The following SMOX variants were observed in gnomAD, a reference collection of about 807,000 sequenced individuals.
The protein encoded by SMOX is spermine oxidase.
SMOX carries 22 observed loss-of-function variants against 51.0 expected under a neutral mutation model. The ratio of observed to expected loss-of-function variants is 0.43; its 90% confidence interval spans 0.31 to 0.62. The LOEUF is 0.62. SMOX is among the 20% of genes least tolerant of loss of function. The pLI is 0.10. For synonymous variants in SMOX, 282 were observed against 307.8 expected (o/e 0.92, Z 0.88); for missense variants, 566 against 777.7 (o/e 0.73, Z 3.24).
Position 4,167,026 on chromosome 20 carries a change from CG to C in SMOX, c.-26-7999del, listed in dbSNP as rs1426102918. 2.0e-5 allele frequency among the ~76,000 whole-genome samples: 3 copies of C among 152,274 alleles called. No homozygotes were observed. Among genetic ancestry groups the C allele is most frequent in the African/African-American group, 7.2e-5 (3 of 41,556 alleles). On this transcript the variant is annotated intron_variant, in intron 1 of 6. Coordinates refer to ENST00000305958, the MANE Select transcript of SMOX (RefSeq NM_175839.3). The surrounding 1 kb of genome is among the most constrained non-coding windows in gnomAD (Gnocchi z 4.8). ...GAGGGCCAGGGGACATTGCTGGGGG[CG>C]GGGGCTCTGCTGAAAGAGGCTCCCA...
chr20:4,158,128 C>T (rs1205258158), intron 1 of SMOX, among the ~76,000 whole-genome samples: 2 of 150,950 alleles, frequency 1.3e-5, no homozygotes, highest in African/African-American at 2.4e-5. Context: ...TCTCGATCTC[C>T]TGACCTCGTG....
chr20:4,157,881 G>A (rs1022056100), intron 1 of SMOX, among the ~76,000 whole-genome samples: 2 of 152,076 alleles, frequency 1.3e-5, no homozygotes, highest in African/African-American at 4.8e-5. Flanking sequence ...TCAGGTGGGG[G>A]AGATGGGCTG....
intron 1 of SMOX, among the ~76,000 whole-genome samples, chr20:4,174,371 G>A (rs1978659041): frequency 6.6e-6 from 1 of 152,014 alleles, no homozygotes; most frequent in Non-Finnish European, 1.5e-5. Flanking sequence ...GTCCATGCAA[G>A]TATCTTCGGG....
At chr20:4,169,730 T>G (rs1443608682) in intron 1 of SMOX, among the ~76,000 whole-genome samples, 8 of 152,162 alleles carry the variant, frequency 5.3e-5, no homozygotes, top group Non-Finnish European at 1.0e-4. Flanking sequence ...GGGTGTCTGT[T>G]GCTTCAGGAA....
At chr20:4,163,802 C>T (rs1363090837) in intron 1 of SMOX, among the ~76,000 whole-genome samples, 1 of 152,180 alleles carries the variant, frequency 6.6e-6, no homozygotes, top group East Asian at 1.9e-4. Flanking sequence ...CTTGAGTGTC[C>T]TCCCCACATG....
intron 1 of SMOX, among the ~76,000 whole-genome samples, chr20:4,154,148 A>T (rs1320165318): frequency 6.6e-6 from 1 of 151,924 alleles, no homozygotes; most frequent in Non-Finnish European, 1.5e-5. Flanking sequence ...CAGGTTGGGA[A>T]AGGCCTTGGC....
rs182222205 is a variant in SMOX, at chr20:4,172,039, T to A, written c.-26-2991T>A. 88 of 152,536 alleles carry A rather than the reference T, an allele frequency of 5.8e-4. No homozygotes were observed. The highest frequency in any genetic ancestry group is 3.7e-3 in the East Asian group (19 of 5,190). The allele number at this position is 152,536 out of a possible 1,614,324, so 9.4% of individuals were successfully genotyped here. A position where few individuals can be genotyped will look rare whatever the true frequency, so the allele number is the denominator to read the frequency against. On this transcript the variant is annotated intron_variant, in intron 1 of 6. Transcript: ENST00000305958. This position sits in a 1 kb window ranked among gnomAD's most constrained non-coding sequence, Gnocchi z 7.7. ...CTGGAGCTTATCTGGTCCCCTGGTTTTCAGAGGTGGTGCTCCAGGGAGCCT... is the reference window on the plus strand; with the variant it reads ...CTGGAGCTTATCTGGTCCCCTGGTTATCAGAGGTGGTGCTCCAGGGAGCCT...
In SMOX at chr20:4,182,516, G is replaced by A. The variant is rs143899175; in HGVS notation, c.1037G>A (p.Arg346Gln). The A allele has an allele frequency of 2.2e-5, 35 of 1,610,464 alleles. No individual in the cohort carries two copies. In the South Asian group the frequency reaches 2.8e-4, roughly 13 times the overall value. Residue 346 changes from arginine (R) to glutamine (Q), a missense_variant, in exon 5 of 7, where the codon CGG (arginine) becomes CAG (glutamine). This residue lies in a region of SMOX where 347 missense variants were observed against 481.8 expected (regional missense o/e 0.72). Transcript: ENST00000305958. This position sits in a 1 kb window ranked among gnomAD's most constrained non-coding sequence, Gnocchi z 8.4. ...VLKRQYTSFF[R>Q]PGLPTEKVAA... is the part of the protein sequence containing the mutation. ...AAGAGGCAGTACACCAGTTTCTTCC[G>A]GCCAGGCCTGCCCACAGAGAAGGTG... is the stretch of plus-strand genomic sequence containing the variant.
At chr20:4,174,908 A>G (rs906386442) in intron 1 of SMOX, 122 bp from the exon 2 acceptor site, 1 of 905,730 alleles carries the variant, frequency 1.1e-6, no homozygotes, top group Non-Finnish European at 1.7e-6. Flanking sequence ...AGGGAGGGAG[A>G]GGACTCCAGG....
intron 1 of SMOX, among the ~76,000 whole-genome samples, chr20:4,159,135 G>A (rs1454839143): frequency 6.6e-6 from 1 of 151,122 alleles, no homozygotes; most frequent in African/African-American, 2.4e-5. Flanking sequence ...ATTTTTTTTT[G>A]TTTTTGAGAC....
rs1372576337 is a variant in SMOX at position 4,167,203 on chromosome 20, T to C, written c.-26-7827T>C. On this transcript the variant is annotated intron_variant, in intron 1 of 6. Transcript: ENST00000305958. This position sits in a 1 kb window ranked among gnomAD's most constrained non-coding sequence, Gnocchi z 4.8. ...GGTTGGGGTCAGTCAGATACAGATG[T>C]GAGGTGCCTGCATGATGTCAGTGTC... Among the ~76,000 whole-genome samples the C allele has an allele frequency of 6.6e-6, 1 of 152,108 alleles. No homozygotes were observed. Among genetic ancestry groups the C allele is most frequent in the African/African-American group, 2.4e-5 (1 of 41,404 alleles).
chr20:4,152,940 C>T (rs952824081), intron 1 of SMOX, among the ~76,000 whole-genome samples: 11 of 152,172 alleles, frequency 7.2e-5, no homozygotes, highest in Non-Finnish European at 1.0e-4. Flanking sequence ...CAACTTGGCT[C>T]CAGAATCCAT....
In SMOX at chr20:4,180,102, A is replaced by G. The variant is rs200278476; in HGVS notation, c.436-1701A>G. Among the ~76,000 whole-genome samples the G allele has an allele frequency of 5.9e-5, 9 of 152,328 alleles. No individual in the cohort carries two copies. In the East Asian group the frequency reaches 1.7e-3, roughly 29 times the overall value. On this transcript the variant is annotated intron_variant, in intron 3 of 6. Coordinates refer to ENST00000305958, the MANE Select transcript of SMOX (RefSeq NM_175839.3). ...AAGGGAAAAACCCAGGGAGGAGGCA[A>G]ATTGAAAGCCTGACCCTTGGCAGTG...
intron 1 of SMOX, among the ~76,000 whole-genome samples, chr20:4,158,113 G>A (rs1986119393): frequency 6.7e-6 from 1 of 150,364 alleles, no homozygotes; most frequent in Non-Finnish European, 1.5e-5. Context: ...TGTTAGCCAG[G>A]ATGGTCTCGA....
intron 1 of SMOX, among the ~76,000 whole-genome samples, chr20:4,164,855 A>C (rs939845199): frequency 4.6e-5 from 7 of 151,990 alleles, no homozygotes; most frequent in Non-Finnish European, 1.0e-4. Context: ...GCAGTCTTGC[A>C]CCAACGTATT....
At chr20:4,165,350 G>A (rs1432597548) in intron 1 of SMOX, among the ~76,000 whole-genome samples, 5 of 152,000 alleles carry the variant, frequency 3.3e-5, no homozygotes, top group African/African-American at 1.2e-4. Flanking sequence ...CACCGCACCC[G>A]GCCCTAGCTA....
rs148171059 is a variant in SMOX at position 4,168,622 on chromosome 20, T to A, written c.-26-6408T>A. Among the ~76,000 whole-genome samples, 808 of 151,670 alleles carry A rather than the reference T, an allele frequency of 5.3e-3. 7 individuals carry two copies. The highest frequency in any genetic ancestry group is 0.018 in the African/African-American group (764 of 41,340). ...CCCAGGCTGGAGTGCAGTGGCGCGA[T>A]CTCGACTCACTGCACCCTCTGCCTC... On this transcript the variant is annotated intron_variant, in intron 1 of 6. Coordinates refer to ENST00000305958, the MANE Select transcript of SMOX (RefSeq NM_175839.3).
intron 1 of SMOX, among the ~76,000 whole-genome samples, chr20:4,154,799 C>T (rs886470116): frequency 1.4e-5 from 2 of 144,314 alleles, no homozygotes; most frequent in African/African-American, 5.1e-5. Flanking sequence ...AACTAACTAC[C>T]TTGGCTCCTG....
At chr20:4,159,168 A>G (rs1304858447) in intron 1 of SMOX, among the ~76,000 whole-genome samples, 1 of 152,066 alleles carries the variant, frequency 6.6e-6, no homozygotes, top group Admixed American at 6.6e-5. Context: ...TTGGAGTGCA[A>G]TGGCGCGATC....
Sources: allele counts gnomAD v4.1 joint callset (sites outside exome capture counted in the v4.1 genomes callset), GRCh38; gene constraint gnomAD v4.1.1; regional missense constraint gnomAD v4.1.1; non-coding constraint Gnocchi (gnomAD v3.1); transcripts MANE v1.5; gene names NCBI Gene and HGNC (gene_info 2026-07-23, HGNC 2026-07-21).